Variants in OLFML2A observed in about 807,000 individuals in gnomAD.
OLFML2A encodes the protein olfactomedin-like protein 2A.
OLFML2A carries 47 observed loss-of-function variants against 60.9 expected under a neutral mutation model. That is an observed-to-expected ratio of 0.77 (90% CI 0.61 to 0.98). OLFML2A has a LOEUF of 0.98. Among genes scored for constraint, OLFML2A ranks in the 50% least tolerant of loss-of-function variants. The probability of loss-of-function intolerance (pLI) is 0.00; values close to 1 mark genes in which losing one functional copy is unlikely to be tolerated. For missense variants in OLFML2A, 922 were observed against 879.8 expected, an observed-to-expected ratio of 1.05 and a Z score of -0.61; for synonymous variants, 372 against 375.0, an observed-to-expected ratio of 0.99 and a Z score of 0.09.
intron 3 of OLFML2A, among the ~76,000 whole-genome samples, chr9:124,798,574 C>T (rs1184944624): frequency 6.6e-6 from 1 of 151,866 alleles, no homozygotes; most frequent in South Asian, 2.1e-4. Flanking sequence ...TGGCTCACAC[C>T]TGTAATCCCA....
At chr9:124,784,355 C>T (rs1841418444) in intron 1 of OLFML2A, among the ~76,000 whole-genome samples, 1 of 152,108 alleles carries the variant, frequency 6.6e-6, no homozygotes, top group African/African-American at 2.4e-5. Context: ...AGATGCCCAC[C>T]ACCACACCCG....
intron 4 of OLFML2A, chr9:124,801,059 A>G: frequency 6.4e-7 from 1 of 1,551,482 alleles, no homozygotes; most frequent in Non-Finnish European, 8.7e-7. Context: ...TGAGTAAGAG[A>G]GACAAGGCTG....
chr9:124,802,912 A>ATT (rs542874521), intron 5 of OLFML2A, among the ~76,000 whole-genome samples: 14 of 147,550 alleles, frequency 9.5e-5, no homozygotes, highest in African/African-American at 3.5e-4. Flanking sequence ...TGGTGTCACA[A>ATT]TTTTTTTTTT....
Position 124,807,875 on chromosome 9 carries a change from C to A in OLFML2A, c.1263C>A (p.Asp421Glu). ...GCCACGAGGGAGCCTGGATGAAGGACCCTGCAGCTCGAGACGACAGGATCT... is the reference window on the plus strand; with the variant it reads ...GCCACGAGGGAGCCTGGATGAAGGAACCTGCAGCTCGAGACGACAGGATCT... The part of the protein sequence containing the change: ...YGRHEGAWMK[D>E]PAARDDRIYV... The change falls in exon 7 of 8, where the codon GAC becomes GAA. Residue 421 changes from aspartate (D) to glutamate (E), a missense_variant. Asp to Glu is a conservative substitution (Grantham distance 45, BLOSUM62 2). Coordinates refer to ENST00000373580, the MANE Select transcript of OLFML2A (RefSeq NM_182487.4). The A allele has an allele frequency of 6.2e-7, 1 of 1,614,108 alleles. No homozygotes were observed. Among genetic ancestry groups the A allele is most frequent in the Non-Finnish European group, 8.5e-7 (1 of 1,179,974 alleles).
At chr9:124,794,073 T>TGGAAATGAAGTGGGAGACGCA (rs1411832649) in intron 2 of OLFML2A, among the ~76,000 whole-genome samples, 11 of 152,132 alleles carry the variant, frequency 7.2e-5, no homozygotes, top group African/African-American at 2.2e-4. Flanking sequence ...CCAGAGAAAC[T>TGGAAATGAAGTGGGAGACGCA]GGAAATGAAG....
At chr9:124,803,297 C>G (rs558645390) in intron 5 of OLFML2A, among the ~76,000 whole-genome samples, 11 of 152,236 alleles carry the variant, frequency 7.2e-5, no homozygotes, top group African/African-American at 2.6e-4. Flanking sequence ...GGGTCTCACT[C>G]TGTCACCCAG....
At chr9:124,797,003 ATTGT>A (rs983725472) in intron 3 of OLFML2A, among the ~76,000 whole-genome samples, 9 of 151,782 alleles carry the variant, frequency 5.9e-5, no homozygotes, top group African/African-American at 2.2e-4. Context: ...TAGTTTTTTG[ATTGT>A]TTGTTTGTTT....
Position 124,807,894 on chromosome 9 carries a change from A to G in OLFML2A, c.1282A>G (p.Arg428Gly). 1 of 1,614,196 alleles carries G rather than the reference A, an allele frequency of 6.2e-7. No individual in the cohort carries two copies. Reference protein sequence around the residue: ...WMKDPAARDDRIYVTNYYYGN... With the variant: ...WMKDPAARDDGIYVTNYYYGN... ...GAAGGACCCTGCAGCTCGAGACGACAGGATCTATGTCACCAACTACTACTA... is the reference window on the plus strand; with the variant it reads ...GAAGGACCCTGCAGCTCGAGACGACGGGATCTATGTCACCAACTACTACTA... The change falls in exon 7 of 8, where the codon AGG (arginine) becomes GGG (glycine). Residue 428 changes from arginine (R) to glycine (G), a missense_variant. Coordinates refer to ENST00000373580, the MANE Select transcript of OLFML2A (RefSeq NM_182487.4).
intron 3 of OLFML2A, among the ~76,000 whole-genome samples, chr9:124,796,330 T>C (rs980022919): frequency 6.6e-6 from 1 of 152,174 alleles, no homozygotes; most frequent in African/African-American, 2.4e-5. Flanking sequence ...AGCTAGTACA[T>C]TCCAGGCCCT....
chr9:124,793,091 C>T (rs1353146898), intron 2 of OLFML2A, among the ~76,000 whole-genome samples: 2 of 152,238 alleles, frequency 1.3e-5, no homozygotes, highest in Non-Finnish European at 2.9e-5. Flanking sequence ...GGGAGTAAAA[C>T]TGTTTTGGAA....
chr9:124,804,475 G>C (rs904422659), intron 6 of OLFML2A, 133 bp downstream of exon 6: 13 of 902,502 alleles, frequency 1.4e-5, no homozygotes, highest in Non-Finnish European at 2.1e-5. Flanking sequence ...TGTAACACCA[G>C]CACTTTGGGA....
chr9:124,810,507 G>A lies in OLFML2A; in HGVS notation c.*95G>A. 7.6e-7 allele frequency: 1 copy of A among 1,310,434 alleles called. No homozygotes were observed. Among genetic ancestry groups the A allele is most frequent in the Non-Finnish European group, 1.0e-6 (1 of 973,998 alleles). 81.2% of individuals were successfully genotyped at this position (1,310,434 alleles called of 1,614,324 possible). Reference sequence around the variant, plus strand: ...GACCCAGTCCGCAAATATTTATTGGGGGCCAGCCCAGGGCTGGGACTGGGC... The same window carrying A: ...GACCCAGTCCGCAAATATTTATTGGAGGCCAGCCCAGGGCTGGGACTGGGC... On this transcript the variant is annotated 3_prime_UTR_variant, in exon 8 of 8. Transcript: ENST00000373580.
At chr9:124,786,595 C>A (rs1484168256) in intron 1 of OLFML2A, among the ~76,000 whole-genome samples, 1 of 151,866 alleles carries the variant, frequency 6.6e-6, no homozygotes, top group Non-Finnish European at 1.5e-5. Flanking sequence ...ATGGCGGGCA[C>A]CTGTAGTCCC....
At chr9:124,798,340 A>G (rs1841704717) in intron 3 of OLFML2A, among the ~76,000 whole-genome samples, 1 of 151,928 alleles carries the variant, frequency 6.6e-6, no homozygotes, top group African/African-American at 2.4e-5. Context: ...CGTCTCTACT[A>G]AAAATACGAA....
Position 124,814,714 on chromosome 9 carries a change from C to A in OLFML2A, c.*4302C>A, listed in dbSNP as rs983628212. 2.0e-5 allele frequency: 3 copies of A among 152,134 alleles called. No homozygotes were observed. Among genetic ancestry groups the A allele is most frequent in the African/African-American group, 7.2e-5 (3 of 41,426 alleles). The allele number at this position is 152,134 out of a possible 1,614,324, so 9.4% of individuals were successfully genotyped here. A position where few individuals can be genotyped will look rare whatever the true frequency, so the allele number is the denominator to read the frequency against. On this transcript the variant is annotated 3_prime_UTR_variant, in exon 8 of 8. Transcript: ENST00000373580. ...CGAGACCCTTTTTTTTCCAATTGTG[C>A]TGAGTCTCCTACTAGACTCGCTTCA...
chr9:124,786,793 CACA>C (rs1841481872), intron 1 of OLFML2A, among the ~76,000 whole-genome samples, 179 bp from the exon 2 acceptor site: 1 of 132,652 alleles, frequency 7.5e-6, no homozygotes, highest in African/African-American at 3.2e-5. Flanking sequence ...CACACACACA[CACA>C]CAGAGTTGTT....
chr9:124,809,792 T>C lies in OLFML2A; in HGVS notation c.1355-16T>C. 1 of 1,577,486 alleles carries C rather than the reference T, an allele frequency of 6.3e-7. No homozygotes were observed. Among genetic ancestry groups the C allele is most frequent in the Non-Finnish European group, 8.6e-7 (1 of 1,159,216 alleles). ...TTGCTCGGGAGGTCTGGGGTGACCA[T>C]CGCCCTCGCCTGCAGGCCGCTGGAG... On this transcript the variant is annotated splice_polypyrimidine_tract_variant and intron_variant, in intron 7 of 7. Transcript: ENST00000373580.
chr9:124,811,058 G>A lies in OLFML2A; in HGVS notation c.*646G>A, dbSNP rs1309649490. The A allele has an allele frequency of 3.5e-5, 5 of 144,732 alleles. No individual in the cohort carries two copies. The highest frequency in any genetic ancestry group is 1.0e-4 in the African/African-American group (4 of 39,616). The allele number at this position is 144,732 out of a possible 1,614,324, so 9.0% of individuals were successfully genotyped here. A position where few individuals can be genotyped will look rare whatever the true frequency, so the allele number is the denominator to read the frequency against. On this transcript the variant is annotated 3_prime_UTR_variant, in exon 8 of 8. Coordinates refer to ENST00000373580, the MANE Select transcript of OLFML2A (RefSeq NM_182487.4). Reference sequence around the variant, plus strand: ...GCCCAGCCCACCCCACCCGCTGTCCGGCCACATTCCAAACCTCTACCGTCA... The same window carrying A: ...GCCCAGCCCACCCCACCCGCTGTCCAGCCACATTCCAAACCTCTACCGTCA...
Position 124,795,021 on chromosome 9 carries a change from C to T in OLFML2A, c.355-3C>T, listed in dbSNP as rs142940447. The stretch of plus-strand genomic sequence containing the variant: ...TGCCTAACCATCCCCCTTCCCCGGG[C>T]AGCTGCAGTCCATGGTGGATCTCCT... On this transcript the variant is annotated splice_polypyrimidine_tract_variant and splice_region_variant and intron_variant, in intron 2 of 7. Coordinates refer to ENST00000373580, the MANE Select transcript of OLFML2A (RefSeq NM_182487.4). 1,625 of 1,578,242 alleles carry T rather than the reference C, an allele frequency of 1.0e-3. 23 individuals carry two copies. In the East Asian group the frequency reaches 0.034, roughly 33 times the overall value.
Sources: gnomAD v4.1 joint callset for allele counts (sites outside exome capture counted in the v4.1 genomes callset) on GRCh38, gnomAD v4.1.1 for gene constraint, MANE v1.5 for transcripts, NCBI Gene and HGNC (gene_info 2026-07-23, HGNC 2026-07-21) for gene names.